SLC1A7: variants seen among roughly 807,000 people sequenced by gnomAD.
SLC1A7 encodes solute carrier family 1 member 7.
A neutral mutation model predicts 47.7 loss-of-function variants in SLC1A7; 40 were observed. That is an observed-to-expected ratio of 0.84 (90% CI 0.65 to 1.09). The LOEUF (loss-of-function observed/expected upper bound fraction) is 1.09. Among genes scored for constraint, SLC1A7 ranks in the 50% least tolerant of loss-of-function variants. SLC1A7 has a pLI of 0.00. For missense variants in SLC1A7, 746 were observed against 769.5 expected (o/e 0.97, Z 0.36); for synonymous variants, 323 against 325.6 (o/e 0.99, Z 0.09).
chr1:53,114,685 T>G, intron 3 of SLC1A7, 73 bp downstream of exon 3: 1 of 1,333,598 alleles, frequency 7.5e-7, no homozygotes, highest in Non-Finnish European at 1.1e-6. Context: ...CACCCCGTCC[T>G]GGCCTCTGGG....
At chr1:53,108,104 C>A in intron 3 of SLC1A7, 1 of 158,868 alleles carries the variant, frequency 6.3e-6, no homozygotes, top group Non-Finnish European at 1.4e-5. Context: ...CTTCACAGTC[C>A]CCTTCTAGGA....
Position 53,121,112 on chromosome 1 carries a change from G to C in SLC1A7, c.216-6139C>G, listed in dbSNP as rs74082709. Among the ~76,000 whole-genome samples the C allele has an allele frequency of 9.1e-3, 1,382 of 152,354 alleles. 19 individuals are homozygous for C. Among genetic ancestry groups the C allele is most frequent in the African/African-American group, 0.029 (1,214 of 41,582 alleles). On this transcript the variant is annotated intron_variant, in intron 2 of 10. Coordinates refer to ENST00000371494, the MANE Select transcript of SLC1A7 (RefSeq NM_006671.6). ...TTTCCTCTGTCTTCACTGTCTGTCT[G>C]TGACCACCTGTCCCAGCAGACTGGA...
At chr1:53,127,387 C>CA (rs1644894271) in intron 2 of SLC1A7, among the ~76,000 whole-genome samples, 1 of 152,170 alleles carries the variant, frequency 6.6e-6, no homozygotes, top group African/African-American at 2.4e-5. Flanking sequence ...AGAAGCTGAG[C>CA]AGTGGCTCCA....
At chr1:53,107,362 C>T (rs887390794) in intron 3 of SLC1A7, among the ~76,000 whole-genome samples, 1 of 152,048 alleles carries the variant, frequency 6.6e-6, no homozygotes, top group African/African-American at 2.4e-5. Flanking sequence ...AGAAAAAGGA[C>T]ATTCGTGGAA....
chr1:53,088,885 C>T lies in SLC1A7; in HGVS notation c.1456G>A (p.Gly486Ser). The T allele has an allele frequency of 6.2e-7, 1 of 1,613,776 alleles. No individual in the cohort carries two copies. The highest frequency in any genetic ancestry group is 8.5e-7 in the Non-Finnish European group (1 of 1,179,756). Residue 486 changes from glycine to serine, a missense_variant, in exon 10 of 11, where the codon GGC becomes AGC. Transcript: ENST00000371494. The part of the protein sequence containing the change: ...ICRKDFARDT[G>S]TEKLLPCETK... ...GATCTCACTGCTCTCACCTCGGTGC[C>T]TGTGTCCCGGGCAAAATCCTTCCGA...
chr1:53,109,348 T>A (rs1644678123), intron 3 of SLC1A7, among the ~76,000 whole-genome samples: 1 of 152,020 alleles, frequency 6.6e-6, no homozygotes, highest in Non-Finnish European at 1.5e-5. Context: ...TTTAATAAGA[T>A]TCGAAAAAAA....
chr1:53,125,199 G>A (rs1769309), intron 2 of SLC1A7, among the ~76,000 whole-genome samples: 43,155 of 152,152 alleles, frequency 0.28, 6,931 homozygotes, highest in Non-Finnish European at 0.37. Context: ...CAGATGATTC[G>A]TTCCTATACT....
chr1:53,137,159 T>C (rs12124028), intron 1 of SLC1A7, among the ~76,000 whole-genome samples: 93,488 of 151,416 alleles, frequency 0.62, 29,196 homozygotes, highest in Middle Eastern at 0.81. Context: ...TGGTGGTGCA[T>C]GCCTGTAGTC....
At chr1:53,139,551 G>A (rs1645035294) in intron 1 of SLC1A7, among the ~76,000 whole-genome samples, 1 of 152,192 alleles carries the variant, frequency 6.6e-6, no homozygotes, top group Non-Finnish European at 1.5e-5. Flanking sequence ...GGGTCTAACT[G>A]CTCTGGTTAC....
chr1:53,089,473 G>A (rs1163561801), intron 9 of SLC1A7, among the ~76,000 whole-genome samples: 2 of 152,136 alleles, frequency 1.3e-5, no homozygotes, highest in Non-Finnish European at 2.9e-5. Context: ...GGATTTTACT[G>A]TGTTGCCCAG....
chr1:53,096,207 C>G (rs12095038), intron 5 of SLC1A7, among the ~76,000 whole-genome samples: 2 of 151,150 alleles, frequency 1.3e-5, no homozygotes, highest in African/African-American at 4.9e-5. Context: ...TACTTTCACG[C>G]GCCTAGCCTC....
chr1:53,107,270 C>A (rs1053823206), intron 3 of SLC1A7, among the ~76,000 whole-genome samples: 2 of 150,350 alleles, frequency 1.3e-5, no homozygotes, highest in African/African-American at 2.5e-5. Flanking sequence ...ACAAAATGAG[C>A]AATAAATCAA....
intron 5 of SLC1A7, among the ~76,000 whole-genome samples, chr1:53,097,060 TCA>T (rs1333216790): frequency 7.4e-6 from 1 of 134,954 alleles, no homozygotes; most frequent in African/African-American, 2.9e-5. Context: ...CTCGGTACAA[TCA>T]CACGCACTGC....
chr1:53,138,076 C>T (rs1385042795), intron 1 of SLC1A7, among the ~76,000 whole-genome samples: 3 of 152,120 alleles, frequency 2.0e-5, no homozygotes, highest in African/African-American at 7.2e-5. Flanking sequence ...TTAGCCTGGC[C>T]ATGTGTGAGA....
chr1:53,105,108 ATAT>A (rs1644625599), intron 4 of SLC1A7, among the ~76,000 whole-genome samples: 1 of 152,242 alleles, frequency 6.6e-6, no homozygotes, highest in Non-Finnish European at 1.5e-5. Context: ...TATGATTATA[ATAT>A]TATTTAAAAA....
At chr1:53,123,022 C>CA in intron 2 of SLC1A7, among the ~76,000 whole-genome samples, 1 of 152,156 alleles carries the variant, frequency 6.6e-6, no homozygotes, top group African/African-American at 2.4e-5. Context: ...GCCTGGGTGC[C>CA]AAGAGGGCGC....
At chr1:53,116,165 C>G (rs551633862) in intron 2 of SLC1A7, 65 of 152,472 alleles carry the variant, frequency 4.3e-4, no homozygotes, top group African/African-American at 1.4e-3. Flanking sequence ...GCCCCCTCCC[C>G]CAGCGGGAGC....
chr1:53,140,630 C>G (rs1232230028), intron 1 of SLC1A7, among the ~76,000 whole-genome samples: 2 of 152,136 alleles, frequency 1.3e-5, no homozygotes, highest in Non-Finnish European at 2.9e-5. Flanking sequence ...AGGACTTTAA[C>G]AGGTACATAA....
chr1:53,093,529 C>T lies in SLC1A7; in HGVS notation c.729G>A (p.Gly243=). The change falls in exon 6 of 11, where the codon GGG becomes GGA. Residue 243 remains glycine (G), a synonymous_variant. Coordinates refer to ENST00000371494, the MANE Select transcript of SLC1A7 (RefSeq NM_006671.6). ...GIMLGRMGDS[G]APLVSFCQCL... Reference sequence around the variant, plus strand: ...ACTGGCAGAAGCTGACCAGGGGGGCCCCGCTGTCACCCATGCGGCCCAGCA... The same window carrying T: ...ACTGGCAGAAGCTGACCAGGGGGGCTCCGCTGTCACCCATGCGGCCCAGCA... The T allele has an allele frequency of 6.2e-7, 1 of 1,608,530 alleles. No individual in the cohort carries two copies. The highest frequency in any genetic ancestry group is 1.3e-5 in the African/African-American group (1 of 75,046).
Sources: allele counts gnomAD v4.1 joint callset (sites outside exome capture counted in the v4.1 genomes callset), GRCh38; gene constraint gnomAD v4.1.1; transcripts MANE v1.5; gene names NCBI Gene and HGNC (gene_info 2026-07-23, HGNC 2026-07-21).